Variants in PASK observed in about 807,000 individuals in gnomAD.
The protein encoded by PASK is PAS domain-containing serine/threonine-protein kinase.
A neutral mutation model predicts 121.0 loss-of-function variants in PASK; 110 were observed. The ratio of observed to expected loss-of-function variants is 0.91; its 90% CI spans 0.78 to 1.06. PASK has a LOEUF of 1.06. Ranked by LOEUF, PASK falls within the 50% of genes least tolerant of loss-of-function variation. PASK has a pLI of 0.00. For synonymous variants in PASK, 686 were observed against 717.8 expected, an observed-to-expected ratio of 0.96 and a Z score of 0.71; for missense variants, 1,643 against 1,702.3, an observed-to-expected ratio of 0.97 and a Z score of 0.61.
chr2:241,124,967 C>G (rs1247162471), intron 10 of PASK, among the ~76,000 whole-genome samples: 1 of 151,702 alleles, frequency 6.6e-6, no homozygotes, highest in African/African-American at 2.4e-5. Flanking sequence ...GAGATCGAGA[C>G]CATCCTGGCT....
At chr2:241,149,084 G>C (rs2067136752) in intron 1 of PASK, among the ~76,000 whole-genome samples, 1 of 152,094 alleles carries the variant, frequency 6.6e-6, no homozygotes, top group Admixed American at 6.5e-5. Context: ...GCCGGCTGCG[G>C]TGAAGAGAGC....
rs1342733499 is a variant in PASK, at chr2:241,106,589, C to G, written c.3949G>C (p.Asp1317His). The change falls in exon 18 of 18, where the codon GAT (aspartate) becomes CAT (histidine). Residue 1317 changes from aspartate (D) to histidine (H), a missense_variant. Asp to His is a moderately conservative substitution (Grantham distance 81). Coordinates refer to ENST00000234040, the MANE Select transcript of PASK (RefSeq NM_015148.4). ...PNGQGCLHPG[D>H]PRLLTS ...GTTTAGCTGGTCAGCAGACGGGGAT[C>G]CCCGGGATGCAAACAGCCTTGGCCA... 6.2e-7 allele frequency: 1 copy of G among 1,614,174 alleles called. No homozygotes were observed. The highest frequency in any genetic ancestry group is 2.2e-5 in the East Asian group (1 of 44,884).
intron 7 of PASK, among the ~76,000 whole-genome samples, chr2:241,136,473 C>G (rs1256151936): frequency 2.0e-5 from 3 of 152,196 alleles, no homozygotes; most frequent in African/African-American, 7.2e-5. Context: ...TCCTCTGAAC[C>G]TGTGTGTGGC....
chr2:241,132,952 T>A lies in PASK; in HGVS notation c.1385A>T (p.Asp462Val). 1 of 1,613,918 alleles carries A rather than the reference T, an allele frequency of 6.2e-7. No individual in the cohort carries two copies. Among genetic ancestry groups the A allele is most frequent in the Admixed American group, 1.7e-5 (1 of 60,002 alleles). ...DEIRKLMESQ[D>V]IFTGTQTELI... ...CTCAGTCTGAGTCCCGGTGAAGATGTCTTGGCTTTCCATCAGCTTCCGGAT... is the reference window on the plus strand; with the variant it reads ...CTCAGTCTGAGTCCCGGTGAAGATGACTTGGCTTTCCATCAGCTTCCGGAT... The change falls in exon 9 of 18, where the codon GAC becomes GTC. Residue 462 changes from aspartate (D) to valine (V), a missense_variant. Transcript: ENST00000234040.
intron 7 of PASK, among the ~76,000 whole-genome samples, chr2:241,136,300 A>G (rs556765612): frequency 6.6e-6 from 1 of 152,350 alleles, no homozygotes; most frequent in East Asian, 1.9e-4. Context: ...ACATCTTTGG[A>G]GCAGACATCT....
chr2:241,146,912 G>A (rs983432575), intron 1 of PASK, among the ~76,000 whole-genome samples: 4 of 152,132 alleles, frequency 2.6e-5, no homozygotes, highest in East Asian at 3.8e-4. Flanking sequence ...AAACTGATAC[G>A]GCCAAAAAAT....
chr2:241,119,347 T>C (rs1056070133), intron 12 of PASK, among the ~76,000 whole-genome samples: 11 of 152,156 alleles, frequency 7.2e-5, no homozygotes, highest in Admixed American at 6.5e-5. Flanking sequence ...CCCTGGGACG[T>C]TGGCCTTGGC....
chr2:241,148,854 G>A (rs919820837), intron 1 of PASK, among the ~76,000 whole-genome samples: 4 of 152,332 alleles, frequency 2.6e-5, no homozygotes, highest in African/African-American at 9.6e-5. Context: ...AGGTAAGGAC[G>A]AGAAAGGCCT....
intron 1 of PASK, among the ~76,000 whole-genome samples, chr2:241,146,952 A>AGG (rs1375677848): frequency 6.6e-6 from 1 of 152,236 alleles, no homozygotes; most frequent in Non-Finnish European, 1.5e-5. Context: ...AACCCAGCCT[A>AGG]GGACCCTGGA....
At chr2:241,111,201 GCCTCAGGCCACCAGGT>G (rs2065098032) in intron 15 of PASK, among the ~76,000 whole-genome samples, 1 of 152,214 alleles carries the variant, frequency 6.6e-6, no homozygotes, top group South Asian at 2.1e-4. Flanking sequence ...AAATGCCCTG[GCCTCAGGCCACCAGGT>G]CAGGTGCAGC....
Position 241,112,505 on chromosome 2 carries a change from A to T in PASK, c.3334-66T>A. On this transcript the variant is annotated intron_variant, in intron 14 of 17. Transcript: ENST00000234040. The surrounding 1 kb of genome is among the most constrained non-coding windows in gnomAD (Gnocchi z 5.2). ...TTCAACTAAAATATGCATTTAAAAT[A>T]AACTGGAACAAAAAAAAACACAAAG... is the stretch of plus-strand genomic sequence containing the variant. 9 of 980,666 alleles carry T rather than the reference A, an allele frequency of 9.2e-6. No individual in the cohort carries two copies. Among genetic ancestry groups the T allele is most frequent in the Middle Eastern group, 3.0e-4 (1 of 3,340 alleles). 60.7% of individuals were successfully genotyped at this position (980,666 alleles called of 1,614,324 possible).
rs1308878029 is a variant in PASK, at chr2:241,138,669, G to A, written c.726C>T (p.Val242=). 2 of 1,614,032 alleles carry A rather than the reference G, an allele frequency of 1.2e-6. No individual in the cohort carries two copies. Among genetic ancestry groups the A allele is most frequent in the Non-Finnish European group, 1.7e-6 (2 of 1,180,040 alleles). ...LEPVERVSTW[V]AFQSDGTVTS... is the part of the protein sequence containing the mutation. ...GCACACTCACATCGCTCTGGAAAGC[G>A]ACCCAGGTCGAGACCCTCTCCACGG... is the stretch of plus-strand genomic sequence containing the variant. The change falls in exon 5 of 18, where the codon GTC becomes GTT. Residue 242 remains valine (V), a synonymous_variant. Transcript: ENST00000234040.
Position 241,108,419 on chromosome 2 carries a change from AGAG to A in PASK, c.3534-122_3534-120del, listed in dbSNP as rs1301365807. The A allele has an allele frequency of 3.0e-6, 3 of 1,013,932 alleles. No individual in the cohort carries two copies. The highest frequency in any genetic ancestry group is 3.2e-5 in the African/African-American group (2 of 62,358). The allele number at this position is 1,013,932 out of a possible 1,614,324, so 62.8% of individuals were successfully genotyped here. A position where few individuals can be genotyped will look rare whatever the true frequency, so the allele number is the denominator to read the frequency against. ...ACACAGGCCAGGCAGTGGTTTCCCA[AGAG>A]GAGGGTCACTCCACCCCTCAAACAC... On this transcript the variant is annotated intron_variant, in intron 15 of 17. Coordinates refer to ENST00000234040, the MANE Select transcript of PASK (RefSeq NM_015148.4). This position sits in a 1 kb window ranked among gnomAD's most constrained non-coding sequence, Gnocchi z 5.2.
chr2:241,150,290 G>C, upstream of PASK: 2 of 1,313,988 alleles, frequency 1.5e-6, no homozygotes, highest in Non-Finnish European at 1.9e-6. Flanking sequence ...CGGCTCCGCC[G>C]CCTGAAATTA....
At chr2:241,139,178 G>C (rs992677291) in intron 4 of PASK, among the ~76,000 whole-genome samples, 1 of 152,194 alleles carries the variant, frequency 6.6e-6, no homozygotes, top group Non-Finnish European at 1.5e-5. Context: ...TGTGACATCA[G>C]TTCAGTTCAA....
chr2:241,149,342 C>T (rs1465149128), intron 1 of PASK, 72 bp downstream of exon 1: 1 of 265,930 alleles, frequency 3.8e-6, no homozygotes, highest in East Asian at 7.9e-5. Flanking sequence ...GGGCGCGGAG[C>T]CGCGCAGGCC....
intron 12 of PASK, among the ~76,000 whole-genome samples, 198 bp from the exon 13 acceptor site, chr2:241,115,611 C>T (rs553321723): frequency 6.7e-6 from 1 of 150,156 alleles, no homozygotes; most frequent in Non-Finnish European, 1.5e-5. Flanking sequence ...TCCCATTACA[C>T]CAGGGACACC....
rs568113649 is a variant in PASK, at chr2:241,112,182, A to G, written c.3533+58T>C. On this transcript the variant is annotated intron_variant, in intron 15 of 17. Transcript: ENST00000234040. This position sits in a 1 kb window ranked among gnomAD's most constrained non-coding sequence, Gnocchi z 5.2. ...CCATTTTCCCACCCAAAATCAAGCCACCCTCAGGGTCCTGACAGAGGACAC... is the reference window on the plus strand; with the variant it reads ...CCATTTTCCCACCCAAAATCAAGCCGCCCTCAGGGTCCTGACAGAGGACAC... 2.0e-4 allele frequency: 273 copies of G among 1,348,170 alleles called. No individual in the cohort carries two copies. In the African/African-American group the frequency reaches 3.6e-3, roughly 18 times the overall value. The allele number at this position is 1,348,170 out of a possible 1,614,324, so 83.5% of individuals were successfully genotyped here. A position where few individuals can be genotyped will look rare whatever the true frequency, so the allele number is the denominator to read the frequency against.
Position 241,107,483 on chromosome 2 carries a change from C to T in PASK, c.3684G>A (p.Val1228=), listed in dbSNP as rs746728213. ...CAGGGACTGGCTGCAGCAGCCCAGACACAAGGCTCATGAGTTCTGGGGACA... is the reference window on the plus strand; with the variant it reads ...CAGGGACTGGCTGCAGCAGCCCAGATACAAGGCTCATGAGTTCTGGGGACA... ...YLVSKELMSL[V]SGLLQPVPER... is the part of the protein sequence containing the mutation. The change falls in exon 17 of 18, where the codon GTG becomes GTA. Residue 1228 remains valine, a synonymous_variant. Coordinates refer to ENST00000234040, the MANE Select transcript of PASK (RefSeq NM_015148.4). The T allele has an allele frequency of 6.2e-7, 1 of 1,614,112 alleles. No individual in the cohort carries two copies. Among genetic ancestry groups the T allele is most frequent in the Non-Finnish European group, 8.5e-7 (1 of 1,179,988 alleles).
Sources: allele counts gnomAD v4.1 joint callset (sites outside exome capture counted in the v4.1 genomes callset), GRCh38; gene constraint gnomAD v4.1.1; non-coding constraint Gnocchi (gnomAD v3.1); transcripts MANE v1.5; gene names NCBI Gene and HGNC (gene_info 2026-07-23, HGNC 2026-07-21).